Variants in BCL2 observed in about 807,000 individuals in gnomAD.
BCL2 encodes the protein BCL2 apoptosis regulator.
A neutral mutation model predicts 14.2 loss-of-function variants in BCL2; 1 was observed. The observed-to-expected ratio is 0.07, with a 90% CI of 0.02 to 0.33. The LOEUF is 0.33. Ranked by LOEUF, BCL2 falls within the 10% of genes least tolerant of loss-of-function variation. The probability of loss-of-function intolerance (pLI) is 0.99; values close to 1 mark genes in which losing one functional copy is unlikely to be tolerated. For synonymous variants in BCL2, 151 were observed against 137.2 expected (o/e 1.10, Z -0.70); for missense variants, 247 against 305.9 (o/e 0.81, Z 1.44).
At chr18:63,228,733 A>G (rs1371378474) in intron 2 of BCL2, among the ~76,000 whole-genome samples, 1 of 151,140 alleles carries the variant, frequency 6.6e-6, no homozygotes, top group Non-Finnish European at 1.5e-5. Flanking sequence ...TTTTTGAGAC[A>G]GAATCTTGTT....
intron 2 of BCL2, among the ~76,000 whole-genome samples, chr18:63,296,481 T>A (rs949110021): frequency 4.6e-5 from 7 of 152,164 alleles, no homozygotes; most frequent in African/African-American, 1.7e-4. Flanking sequence ...TTGTTTTGTG[T>A]TTTGTAGAGG....
At chr18:63,317,929 A>C in intron 2 of BCL2, 153 bp downstream of exon 2, 6 of 1,463,472 alleles carry the variant, frequency 4.1e-6, no homozygotes, top group Non-Finnish European at 4.5e-6. Context: ...CGCTTTGTCC[A>C]GAGGAGGAGG....
At chr18:63,218,443 C>T (rs1281898095) in intron 2 of BCL2, among the ~76,000 whole-genome samples, 2 of 152,008 alleles carry the variant, frequency 1.3e-5, no homozygotes, top group Non-Finnish European at 2.9e-5. Context: ...TTCGTTCCTT[C>T]CCTTTTTCTT....
chr18:63,233,018 C>T (rs1436056702), intron 2 of BCL2, among the ~76,000 whole-genome samples: 9 of 152,180 alleles, frequency 5.9e-5, no homozygotes, highest in Non-Finnish European at 1.0e-4. Context: ...ATCAAGGAGC[C>T]AGCAGATGTG....
At chr18:63,170,380 TAGTC>T (rs1289177057) in intron 2 of BCL2, among the ~76,000 whole-genome samples, 1 of 152,144 alleles carries the variant, frequency 6.6e-6, no homozygotes, top group Non-Finnish European at 1.5e-5. Flanking sequence ...GCCTTGTGCA[TAGTC>T]AGTGTTCAAT....
chr18:63,179,795 C>T (rs1018679243), intron 2 of BCL2, among the ~76,000 whole-genome samples: 8 of 152,240 alleles, frequency 5.3e-5, no homozygotes, highest in Middle Eastern at 3.4e-3. Flanking sequence ...CCTAACTCGC[C>T]GGTGAGAGTT....
intron 2 of BCL2, among the ~76,000 whole-genome samples, chr18:63,306,352 T>C (rs912270671): frequency 5.9e-5 from 9 of 152,316 alleles, no homozygotes; most frequent in African/African-American, 2.2e-4. Flanking sequence ...GAAAGAGCCT[T>C]CTATCTGGTC....
At chr18:63,310,730 C>G (rs1048434807) in intron 2 of BCL2, among the ~76,000 whole-genome samples, 25 of 152,194 alleles carry the variant, frequency 1.6e-4, no homozygotes, top group Admixed American at 3.3e-4. Context: ...TCTCCATGAC[C>G]ATCACTACCC....
At chr18:63,157,706 G>C (rs1420959667) in intron 2 of BCL2, among the ~76,000 whole-genome samples, 2 of 152,160 alleles carry the variant, frequency 1.3e-5, no homozygotes, top group African/African-American at 4.8e-5. Context: ...CAAAAGAGAA[G>C]GGGTGAGAAG....
chr18:63,240,125 G>A (rs2144190789), intron 2 of BCL2, among the ~76,000 whole-genome samples: 1 of 152,278 alleles, frequency 6.6e-6, no homozygotes, highest in South Asian at 2.1e-4. Context: ...AAGTAGCTGG[G>A]ACTACAGACG....
At chr18:63,234,780 G>A (rs1392659865) in intron 2 of BCL2, among the ~76,000 whole-genome samples, 2 of 152,200 alleles carry the variant, frequency 1.3e-5, no homozygotes, top group Non-Finnish European at 2.9e-5. Flanking sequence ...TCTCTAAGAT[G>A]TACTATCCTC....
At chr18:63,260,342 A>G (rs935720436) in intron 2 of BCL2, among the ~76,000 whole-genome samples, 2 of 152,224 alleles carry the variant, frequency 1.3e-5, no homozygotes, top group Non-Finnish European at 1.5e-5. Flanking sequence ...AAAACATGGC[A>G]ATATCTTTTG....
chr18:63,301,418 C>G (rs1313669100), intron 2 of BCL2, among the ~76,000 whole-genome samples: 1 of 152,204 alleles, frequency 6.6e-6, no homozygotes, highest in Non-Finnish European at 1.5e-5. Flanking sequence ...CACACACACA[C>G]CACATACATA....
chr18:63,307,082 CAT>C (rs1381083506), intron 2 of BCL2, among the ~76,000 whole-genome samples: 1 of 152,006 alleles, frequency 6.6e-6, no homozygotes, highest in African/African-American at 2.4e-5. Context: ...CTGCTTTAAT[CAT>C]GTGACTGAGT....
intron 2 of BCL2, among the ~76,000 whole-genome samples, chr18:63,253,038 T>C (rs373157331): frequency 1.3e-5 from 2 of 152,372 alleles, no homozygotes; most frequent in Non-Finnish European, 1.5e-5. Flanking sequence ...CACTTTAATG[T>C]TAACTAGAAT....
chr18:63,137,084 T>A (rs2144593033), intron 2 of BCL2, among the ~76,000 whole-genome samples: 1 of 152,338 alleles, frequency 6.6e-6, no homozygotes, highest in East Asian at 1.9e-4. Flanking sequence ...GCAGCCAGAG[T>A]GATCCATTCA....
chr18:63,257,841 T>C (rs923058430), intron 2 of BCL2, among the ~76,000 whole-genome samples: 1 of 152,178 alleles, frequency 6.6e-6, no homozygotes, highest in Non-Finnish European at 1.5e-5. Context: ...GGAAGAGGTC[T>C]GAGAGAAGAC....
intron 2 of BCL2, among the ~76,000 whole-genome samples, chr18:63,246,389 T>C (rs1431458700): frequency 2.0e-5 from 3 of 152,170 alleles, no homozygotes; most frequent in Non-Finnish European, 4.4e-5. Flanking sequence ...CTGGTAAAGA[T>C]ATACCCAAGA....
chr18:63,223,044 G>A (rs1369733536), intron 2 of BCL2, among the ~76,000 whole-genome samples: 1 of 152,200 alleles, frequency 6.6e-6, no homozygotes, highest in Admixed American at 6.5e-5. Context: ...ATCCTCCAAA[G>A]GCTCAGGAAC....
Sources: allele counts gnomAD v4.1 joint callset (sites outside exome capture counted in the v4.1 genomes callset), GRCh38; gene constraint gnomAD v4.1.1; transcripts MANE v1.5; gene names NCBI Gene and HGNC (gene_info 2026-07-23, HGNC 2026-07-21).